The following EBF4 variants were observed in gnomAD, a reference collection of about 807,000 sequenced individuals.
EBF4 encodes EBF transcription factor 4.
EBF4 carries 34 observed loss-of-function variants against 67.1 expected under a neutral mutation model. That is an observed-to-expected ratio of 0.51 (90% confidence interval 0.39 to 0.67). The LOEUF is 0.67. EBF4 is among the 30% of genes least tolerant of loss of function. The pLI is 0.00. For synonymous variants in EBF4, 387 were observed against 377.7 expected (o/e 1.02, Z -0.29); for missense variants, 837 against 873.3 (o/e 0.96, Z 0.52).
chr20:2,744,492 C>CTTTTTTTTTTTTTTTTTTTTTTTTT (rs35298353), intron 6 of EBF4, among the ~76,000 whole-genome samples: 3 of 115,892 alleles, frequency 2.6e-5, no homozygotes, highest in Non-Finnish European at 3.4e-5. Flanking sequence ...TTTTTCTTTT[C>CTTTTTTTTTTTTTTTTTTTTTTTTT]TTTTTTTTTT....
chr20:2,758,945 C>T lies in EBF4; in HGVS notation c.1775C>T (p.Pro592Leu), dbSNP rs374623419. 3.3e-5 allele frequency: 51 copies of T among 1,551,708 alleles called. No homozygotes were observed. Among genetic ancestry groups the T allele is most frequent in the Non-Finnish European group, 4.3e-5 (49 of 1,147,018 alleles). Residue 592 changes from proline (P) to leucine (L), a missense_variant, in exon 16 of 17, where the codon CCA becomes CTA. Pro to Leu is a moderately conservative substitution (Grantham distance 98). Coordinates refer to ENST00000609451, the Ensembl canonical transcript of EBF4. ...GAGGATTCTGACAAGTTTCACTCTC[C>T]AGCCCGGGGGCTTCAGGGCCTGGCA...
intron 6 of EBF4, among the ~76,000 whole-genome samples, chr20:2,737,253 A>T (rs1475481460): frequency 6.8e-6 from 1 of 146,130 alleles, no homozygotes; most frequent in African/African-American, 2.5e-5. Flanking sequence ...TCCGTCTCAA[A>T]AAAAAAAAAA....
intron 6 of EBF4, among the ~76,000 whole-genome samples, chr20:2,723,441 C>T (rs1175235375): frequency 1.3e-5 from 2 of 152,092 alleles, no homozygotes; most frequent in East Asian, 1.9e-4. Context: ...AGCTCAGCCT[C>T]CCGGGTTCAC....
intron 6 of EBF4, among the ~76,000 whole-genome samples, chr20:2,734,417 T>G (rs1381308219): frequency 6.6e-5 from 10 of 152,174 alleles, no homozygotes; most frequent in Admixed American, 1.3e-4. Flanking sequence ...CAAAAATAAA[T>G]TAATTAATAA....
intron 6 of EBF4, among the ~76,000 whole-genome samples, chr20:2,741,556 A>C (rs2146475560): frequency 6.6e-6 from 1 of 152,312 alleles, no homozygotes; most frequent in East Asian, 1.9e-4. Flanking sequence ...TACTCCATGG[A>C]CAAGACGTTT....
chr20:2,697,827 C>T (rs1481104500), intron 1 of EBF4, among the ~76,000 whole-genome samples: 1 of 152,242 alleles, frequency 6.6e-6, no homozygotes, highest in Non-Finnish European at 1.5e-5. Context: ...TAGCTCTCTT[C>T]TCCTTCTGAT....
In EBF4 at chr20:2,747,317, C is replaced by CAA. The variant is rs57405059; in HGVS notation, c.558-1220_558-1219dup. On this transcript the variant is annotated intron_variant, in intron 6 of 16. Transcript: ENST00000609451. The surrounding 1 kb of genome is among the most constrained non-coding windows in gnomAD (Gnocchi z 4.6). ...GTCTCAAAACAAAAAACAAAACAAA[C>CAA]AAAAAAAAAAAAACAGGAAAAAAAA... 0.13 allele frequency among the ~76,000 whole-genome samples: 16,813 copies of CAA among 127,130 alleles called. 1,038 individuals are homozygous for CAA. Among genetic ancestry groups the CAA allele is most frequent in the East Asian group, 0.19 (831 of 4,476 alleles). 83.4% of individuals were successfully genotyped at this position (127,130 alleles called of 152,430 possible). A position where few individuals can be genotyped will look rare whatever the true frequency, so the allele number is the denominator to read the frequency against.
Position 2,693,950 on chromosome 20 carries a change from G to T in EBF4, c.137+168G>T, listed in dbSNP as rs367569237. On this transcript the variant is annotated intron_variant, in intron 1 of 16. Transcript: ENST00000609451. This position sits in a 1 kb window ranked among gnomAD's most constrained non-coding sequence, Gnocchi z 4.6. ...CGGAGTGCCTGTGCTGCCTCCTGAG[G>T]CTGTGGGGCGGGCTGGGGCGGGGCT... 1.5e-3 allele frequency among the ~76,000 whole-genome samples: 226 copies of T among 152,338 alleles called. No individual in the cohort carries two copies. Among genetic ancestry groups the T allele is most frequent in the African/African-American group, 5.1e-3 (214 of 41,578 alleles).
chr20:2,757,591 A>T (rs1038239057), intron 15 of EBF4, among the ~76,000 whole-genome samples: 81 of 152,276 alleles, frequency 5.3e-4, no homozygotes, highest in Non-Finnish European at 4.7e-4. Flanking sequence ...GATAGAGTAG[A>T]CCTTAGGCTG....
At chr20:2,729,461 C>A (rs2087786041) in intron 6 of EBF4, among the ~76,000 whole-genome samples, 1 of 152,188 alleles carries the variant, frequency 6.6e-6, no homozygotes, top group Admixed American at 6.5e-5. Flanking sequence ...GATCTCTCTG[C>A]TCTTTGAATT....
At position 2,750,079 on chromosome 20, in the gene EBF4, G is replaced by C. The variant is rs966097054; in HGVS notation, c.1018+106G>C. On this transcript the variant is annotated intron_variant, in intron 10 of 16. Transcript: ENST00000609451. ...ATAGGAGTTAGCCGAGCTCTACGCT[G>C]TGGCCACGACCCCTAGACGGCCCCG... The C allele has an allele frequency of 1.5e-5, 21 of 1,435,602 alleles. 1 individual carries two copies. In the Admixed American group the frequency reaches 4.6e-4, roughly 31 times the overall value. 88.9% of individuals were successfully genotyped at this position (1,435,602 alleles called of 1,614,324 possible). A position where few individuals can be genotyped will look rare whatever the true frequency, so the allele number is the denominator to read the frequency against.
rs1337458664 is a variant in EBF4 at position 2,747,515 on chromosome 20, A to T, written c.558-1034A>T. On this transcript the variant is annotated intron_variant, in intron 6 of 16. Coordinates refer to ENST00000609451, the Ensembl canonical transcript of EBF4. This position sits in a 1 kb window ranked among gnomAD's most constrained non-coding sequence, Gnocchi z 4.6. ...GTTTTTTTCCCAATAACTCTATGTA[A>T]AAAAGAAGACATTCACGGTGTCTCT... Among the ~76,000 whole-genome samples, 1 of 152,118 alleles carries T rather than the reference A, an allele frequency of 6.6e-6. No individual in the cohort carries two copies. Among genetic ancestry groups the T allele is most frequent in the Non-Finnish European group, 1.5e-5 (1 of 68,018 alleles).
At chr20:2,699,897 G>A (rs975231473) in intron 1 of EBF4, among the ~76,000 whole-genome samples, 1 of 152,192 alleles carries the variant, frequency 6.6e-6, no homozygotes, top group Non-Finnish European at 1.5e-5. Flanking sequence ...CCTCTGAATG[G>A]CTGGCAGTTG....
chr20:2,716,041 G>A (rs756335215), intron 6 of EBF4, among the ~76,000 whole-genome samples: 35 of 150,220 alleles, frequency 2.3e-4, no homozygotes, highest in Non-Finnish European at 4.3e-4. Flanking sequence ...GAGCCACCGC[G>A]CCCGGCCTTA....
chr20:2,749,914 C>A (rs1463423408), exon 10 of EBF4: 3 of 1,551,520 alleles, frequency 1.9e-6, no homozygotes, highest in Admixed American at 3.9e-5. Context: ...GTGGAGGTGA[C>A]CCTCTCCTAC....
rs781580895 is a variant in EBF4 at position 2,707,910 on chromosome 20, T to C, written c.415-37T>C. 9 of 1,545,860 alleles carry C rather than the reference T, an allele frequency of 5.8e-6. No individual in the cohort carries two copies. Among genetic ancestry groups the C allele is most frequent in the Non-Finnish European group, 7.9e-6 (9 of 1,141,206 alleles). On this transcript the variant is annotated intron_variant, in intron 4 of 16. Coordinates refer to ENST00000609451, the Ensembl canonical transcript of EBF4. The surrounding 1 kb of genome is among the most constrained non-coding windows in gnomAD (Gnocchi z 4.6). ...CTGCCACCTGCACCTCAGAGGAGCC[T>C]CCTTCCCCTCCAGCCTGTGCACCTC...
chr20:2,726,973 T>A (rs1055451663), intron 6 of EBF4, among the ~76,000 whole-genome samples: 3 of 152,128 alleles, frequency 2.0e-5, no homozygotes, highest in Non-Finnish European at 4.4e-5. Flanking sequence ...CATCCTACCC[T>A]CTGTTTCTAT....
At position 2,739,310 on chromosome 20, in the gene EBF4, C is replaced by T. The variant is rs1461738925; in HGVS notation, c.558-9239C>T. On this transcript the variant is annotated intron_variant, in intron 6 of 16. Transcript: ENST00000609451. The surrounding 1 kb of genome is among the most constrained non-coding windows in gnomAD (Gnocchi z 4.5). The stretch of plus-strand genomic sequence containing the variant: ...AGGCACCACTGATCGAGTGAGCCGT[C>T]TGCCCCGTGGTGGAGCTGTTAGTCC... 2.0e-5 allele frequency among the ~76,000 whole-genome samples: 3 copies of T among 152,020 alleles called. No homozygotes were observed. Among genetic ancestry groups the T allele is most frequent in the African/African-American group, 4.8e-5 (2 of 41,374 alleles).
At chr20:2,749,591 C>A (rs1319600409) in intron 8 of EBF4, 29 bp from the exon 9 acceptor site, 6 of 1,550,032 alleles carry the variant, frequency 3.9e-6, no homozygotes, top group Non-Finnish European at 5.2e-6. Flanking sequence ...AGCGCGGTCC[C>A]CTGACCTGGG....
Sources: allele counts gnomAD v4.1 joint callset (sites outside exome capture counted in the v4.1 genomes callset), GRCh38; gene constraint gnomAD v4.1.1; non-coding constraint Gnocchi (gnomAD v3.1); transcripts MANE v1.5; gene names NCBI Gene and HGNC (gene_info 2026-07-23, HGNC 2026-07-21).